Variants in KPNA5 observed in about 807,000 individuals in gnomAD.
KPNA5 encodes karyopherin subunit alpha 5.
Under a neutral mutation model 71.3 loss-of-function variants are expected in KPNA5, and 46 were observed. That is an observed-to-expected ratio of 0.65 (90% CI 0.51 to 0.83). The LOEUF (loss-of-function observed/expected upper bound fraction) is 0.83. KPNA5 is among the 40% of genes least tolerant of loss of function. The probability of loss-of-function intolerance (pLI) is 0.00; values close to 1 mark genes in which losing one functional copy is unlikely to be tolerated. For missense variants in KPNA5, 547 were observed against 628.3 expected (o/e 0.87, Z 1.38); for synonymous variants, 207 against 201.4 (o/e 1.03, Z -0.24).
At chr6:116,681,536 G>C (rs1269634899) in intron 1 of KPNA5, 198 bp downstream of exon 1, 2 of 1,347,224 alleles carry the variant, frequency 1.5e-6, no homozygotes, top group African/African-American at 3.1e-5. Flanking sequence ...CCTTTCCCTT[G>C]CGGACGCGAA....
chr6:116,712,524 G>T (rs531187214), intron 7 of KPNA5, among the ~76,000 whole-genome samples: 1 of 152,238 alleles, frequency 6.6e-6, no homozygotes, highest in South Asian at 2.1e-4. Flanking sequence ...GTTTTGTTTT[G>T]TTTTGTTTAA....
At chr6:116,712,182 C>T (rs1778722651) in intron 7 of KPNA5, among the ~76,000 whole-genome samples, 1 of 152,164 alleles carries the variant, frequency 6.6e-6, no homozygotes, top group South Asian at 2.1e-4. Flanking sequence ...CTCAGGCGAT[C>T]TACCCACCTT....
chr6:116,697,337 C>T (rs923486034), intron 4 of KPNA5, among the ~76,000 whole-genome samples: 2 of 151,998 alleles, frequency 1.3e-5, no homozygotes, highest in African/African-American at 4.8e-5. Flanking sequence ...TTAGAACACC[C>T]AAACAAAACT....
At chr6:116,725,524 T>C (rs1388084619) in intron 10 of KPNA5, among the ~76,000 whole-genome samples, 1 of 152,142 alleles carries the variant, frequency 6.6e-6, no homozygotes, top group East Asian at 1.9e-4. Context: ...ACACCTCTGA[T>C]TTTCATTTTA....
In KPNA5 at chr6:116,726,541, A is replaced by G. The variant is rs375049783; in HGVS notation, c.1172A>G (p.Gln391Arg). The G allele has an allele frequency of 1.2e-6, 2 of 1,612,324 alleles. No homozygotes were observed. The highest frequency in any genetic ancestry group is 1.7e-6 in the Non-Finnish European group (2 of 1,178,996). Residue 391 changes from glutamine to arginine, a missense_variant, in exon 12 of 14, where the codon CAG becomes CGG. By Grantham distance (43) the Gln-to-Arg change is conservative. Coordinates refer to ENST00000368564, the MANE Select transcript of KPNA5 (RefSeq NM_001366306.2). ...TTTCCTGTTTTGATTGAGATTCTTC[A>G]GAAAGCAGAGTTTCGTACCAGAAAA... ...NIFPVLIEILQKAEFRTRKEA... is the reference protein window; with the variant it reads ...NIFPVLIEILRKAEFRTRKEA...
In KPNA5 at chr6:116,698,788, G is replaced by A; in HGVS notation, c.425G>A (p.Cys142Tyr). Residue 142 changes from cysteine (C) to tyrosine (Y), a missense_variant, in exon 5 of 14, where the codon TGC becomes TAC. By Grantham distance (194) the Cys-to-Tyr change is radical (BLOSUM62 -2). Coordinates refer to ENST00000368564, the MANE Select transcript of KPNA5 (RefSeq NM_001366306.2). ...FVKFLERNEN[C>Y]TLQFEAAWAL... is the part of the protein sequence containing the mutation. ...AAATTTCTTGAAAGAAATGAAAATT[G>A]CACTTTACAAGTGAGTCTAAAGTTT... 1 of 1,577,732 alleles carries A rather than the reference G, an allele frequency of 6.3e-7. No individual in the cohort carries two copies. The highest frequency in any genetic ancestry group is 8.7e-7 in the Non-Finnish European group (1 of 1,155,098).
At chr6:116,729,795 C>G in intron 13 of KPNA5, 54 bp downstream of exon 13, 1 of 1,138,292 alleles carries the variant, frequency 8.8e-7, no homozygotes, top group African/African-American at 1.6e-5. Context: ...ATCTGTCATA[C>G]TTTCCCCTTC....
At chr6:116,696,747 C>T (rs912321388) in intron 4 of KPNA5, among the ~76,000 whole-genome samples, 1 of 151,944 alleles carries the variant, frequency 6.6e-6, no homozygotes, top group African/African-American at 2.4e-5. Flanking sequence ...AAAGTCTTCT[C>T]GGTAGCAGTT....
At position 116,688,747 on chromosome 6, in the gene KPNA5, A is replaced by G. The variant is rs1777685674; in HGVS notation, c.5-573A>G. The stretch of plus-strand genomic sequence containing the variant: ...TCAAAAGAACTAATTATACTGGAGT[A>G]CTAAAAACTGATATTGTAGTCATAA... On this transcript the variant is annotated intron_variant, in intron 1 of 13. Coordinates refer to ENST00000368564, the MANE Select transcript of KPNA5 (RefSeq NM_001366306.2). Among the ~76,000 whole-genome samples, 2 of 152,196 alleles carry G rather than the reference A, an allele frequency of 1.3e-5. 1 individual carries two copies. The highest frequency in any genetic ancestry group is 4.1e-4 in the South Asian group (2 of 4,834).
In KPNA5 at chr6:116,739,649, A is replaced by T. The variant is rs894561467; in HGVS notation, c.*7326A>T. 6.6e-6 allele frequency: 1 copy of T among 152,224 alleles called. No homozygotes were observed. The highest frequency in any genetic ancestry group is 2.4e-5 in the African/African-American group (1 of 41,436). The allele number at this position is 152,224 out of a possible 1,614,324, so 9.4% of individuals were successfully genotyped here. The stretch of plus-strand genomic sequence containing the variant: ...CAGCATGGTACCAGTACCAAAACAG[A>T]TATAGATCAATGGAACAGAACAGAG... On this transcript the variant is annotated 3_prime_UTR_variant, in exon 14 of 14. Transcript: ENST00000368564.
At position 116,739,068 on chromosome 6, in the gene KPNA5, G is replaced by C. The variant is rs1337101278; in HGVS notation, c.*6745G>C. On this transcript the variant is annotated 3_prime_UTR_variant, in exon 14 of 14. Transcript: ENST00000368564. ...GAAAAGAGGAAATCAAATTGTCCCTGTTTGCAGATGACATGATTGTATATC... is the reference window on the plus strand; with the variant it reads ...GAAAAGAGGAAATCAAATTGTCCCTCTTTGCAGATGACATGATTGTATATC... 6.6e-6 allele frequency: 1 copy of C among 152,068 alleles called. No individual in the cohort carries two copies. The highest frequency in any genetic ancestry group is 1.5e-5 in the Non-Finnish European group (1 of 68,024). 9.4% of individuals were successfully genotyped at this position (152,068 alleles called of 1,614,324 possible). A position where few individuals can be genotyped will look rare whatever the true frequency, so the allele number is the denominator to read the frequency against.
chr6:116,729,922 TTGTC>T (rs764321733), intron 13 of KPNA5, among the ~76,000 whole-genome samples, 181 bp downstream of exon 13: 21 of 151,758 alleles, frequency 1.4e-4, no homozygotes, highest in Non-Finnish European at 2.5e-4. Context: ...TTTTTTAACA[TTGTC>T]TGTATGCACA....
In KPNA5 at chr6:116,732,101, TATATATATATATATATA is replaced by T. The variant is rs780742517; in HGVS notation, c.1433-34_1433-18del. The T allele has an allele frequency of 2.3e-5, 5 of 218,634 alleles. No individual in the cohort carries two copies. The highest frequency in any genetic ancestry group is 1.3e-4 in the Admixed American group (2 of 15,298). The allele number at this position is 218,634 out of a possible 1,614,324, so 13.5% of individuals were successfully genotyped here. A position where few individuals can be genotyped will look rare whatever the true frequency, so the allele number is the denominator to read the frequency against. On this transcript the variant is annotated intron_variant, in intron 13 of 13. Coordinates refer to ENST00000368564, the MANE Select transcript of KPNA5 (RefSeq NM_001366306.2). ...ATATATATATATATATATATATATA[TATATATATATATATATA>T]TATACTTTGTATAACAGGTCTGGAT...
rs1298743950 is a variant in KPNA5, at chr6:116,737,008, T to C, written c.*4685T>C. 2 of 152,006 alleles carry C rather than the reference T, an allele frequency of 1.3e-5. No individual in the cohort carries two copies. Among genetic ancestry groups the C allele is most frequent in the East Asian group, 3.8e-4 (2 of 5,196 alleles). 9.4% of individuals were successfully genotyped at this position (152,006 alleles called of 1,614,324 possible). A position where few individuals can be genotyped will look rare whatever the true frequency, so the allele number is the denominator to read the frequency against. On this transcript the variant is annotated 3_prime_UTR_variant, in exon 14 of 14. Coordinates refer to ENST00000368564, the MANE Select transcript of KPNA5 (RefSeq NM_001366306.2). The stretch of plus-strand genomic sequence containing the variant: ...AATGGCCTTGCTACTAATTCTGTCA[T>C]TTCTTGCTCTGTTTCTGTTTATTGA...
At chr6:116,696,150 C>T (rs557211363) in intron 4 of KPNA5, among the ~76,000 whole-genome samples, 25 of 152,158 alleles carry the variant, frequency 1.6e-4, no homozygotes, top group African/African-American at 4.8e-4. Context: ...ATTCTGTTTC[C>T]GTTAAACTGT....
intron 1 of KPNA5, among the ~76,000 whole-genome samples, chr6:116,686,180 A>G (rs1006369210): frequency 1.3e-5 from 2 of 152,040 alleles, no homozygotes; most frequent in Non-Finnish European, 2.9e-5. Context: ...TGCCTCCCGA[A>G]GTGCTGGGAT....
In KPNA5 at chr6:116,689,391, G is replaced by A; in HGVS notation, c.76G>A (p.Glu26Lys). ...TAAGAATAAAGCCCTAAATCCTCAA[G>A]AGATGCGTAGACGAAGAGAAGAAGA... ...SYKNKALNPQ[E>K]MRRRREEEGI... The change falls in exon 2 of 14, where the codon GAG (glutamate) becomes AAG (lysine). Residue 26 changes from glutamate to lysine, a missense_variant. Transcript: ENST00000368564. The A allele has an allele frequency of 6.2e-7, 1 of 1,610,226 alleles. No individual in the cohort carries two copies. Among genetic ancestry groups the A allele is most frequent in the Non-Finnish European group, 8.5e-7 (1 of 1,178,480 alleles).
At position 116,730,065 on chromosome 6, in the gene KPNA5, A is replaced by C. The variant is rs569148272; in HGVS notation, c.1432+324A>C. On this transcript the variant is annotated intron_variant, in intron 13 of 13. Coordinates refer to ENST00000368564, the MANE Select transcript of KPNA5 (RefSeq NM_001366306.2). ...CCACATAATGTTATGTATATACTAT[A>C]TATATATAAAAATATGTAATTTTTT... Among the ~76,000 whole-genome samples, 18 of 147,452 alleles carry C rather than the reference A, an allele frequency of 1.2e-4. No homozygotes were observed. In the East Asian group the frequency reaches 3.3e-3, roughly 27 times the overall value.
At chr6:116,724,685 G>T (rs1435607368) in intron 10 of KPNA5, among the ~76,000 whole-genome samples, 8 of 152,038 alleles carry the variant, frequency 5.3e-5, no homozygotes. Context: ...TTACCTCCCT[G>T]GCTTAAGCAG....
Sources: allele counts gnomAD v4.1 joint callset (sites outside exome capture counted in the v4.1 genomes callset), GRCh38; gene constraint gnomAD v4.1.1; transcripts MANE v1.5; gene names NCBI Gene and HGNC (gene_info 2026-07-23, HGNC 2026-07-21).